The following NIPBL variants were observed in gnomAD, a reference collection of about 807,000 sequenced individuals.
NIPBL encodes the protein NIPBL cohesin loading factor, also known as nipped-B-like protein.
Under a neutral mutation model 321.8 loss-of-function variants are expected in NIPBL, and 19 were observed. That is an observed-to-expected ratio of 0.06 (90% CI 0.04 to 0.09). The LOEUF (loss-of-function observed/expected upper bound fraction) is 0.09, where lower values mean the gene tolerates loss of function less well. Among genes scored for constraint, NIPBL ranks in the 10% least tolerant of loss-of-function variants. NIPBL has a pLI of 1.00. For synonymous variants in NIPBL, 1,106 were observed against 1,114.1 expected, an observed-to-expected ratio of 0.99 and a Z score of 0.14; for missense variants, 2,210 against 3,327.0, an observed-to-expected ratio of 0.66 and a Z score of 8.26.
At position 36,939,232 on chromosome 5, in the gene NIPBL, G is replaced by A. The variant is rs146390023; in HGVS notation, c.-79-14386G>A. Among the ~76,000 whole-genome samples the A allele has an allele frequency of 4.8e-3, 724 of 152,066 alleles. 3 individuals are homozygous for A. Among genetic ancestry groups the A allele is most frequent in the Middle Eastern group, 6.8e-3 (2 of 294 alleles). ...TGCCCAGACTATTCTTGAACTCTTGGGCTCAAACTATCCATCTGCCTCGGC... is the reference window on the plus strand; with the variant it reads ...TGCCCAGACTATTCTTGAACTCTTGAGCTCAAACTATCCATCTGCCTCGGC... On this transcript the variant is annotated intron_variant, in intron 1 of 46. Coordinates refer to ENST00000282516, the MANE Select transcript of NIPBL (RefSeq NM_133433.4).
At chr5:36,892,459 A>G (rs921607208) in intron 1 of NIPBL, among the ~76,000 whole-genome samples, 19 of 152,206 alleles carry the variant, frequency 1.2e-4, no homozygotes, top group African/African-American at 4.6e-4. Context: ...AAGGATTATA[A>G]ATCATGCTGC....
At chr5:37,044,853 T>C (rs1752810110) in intron 36 of NIPBL, 124 bp downstream of exon 36, 1 of 721,272 alleles carries the variant, frequency 1.4e-6, no homozygotes, top group African/African-American at 1.8e-5. Context: ...TCCACCGTGG[T>C]CCTCTCAGAA....
intron 1 of NIPBL, among the ~76,000 whole-genome samples, chr5:36,911,621 A>G (rs966434492): frequency 6.6e-6 from 1 of 152,192 alleles, no homozygotes; most frequent in Non-Finnish European, 1.5e-5. Flanking sequence ...GTACATGTCT[A>G]ACGCCTCTTG....
chr5:36,986,384 A>T lies in NIPBL; in HGVS notation c.3121+83A>T, dbSNP rs1744805947. On this transcript the variant is annotated intron_variant, in intron 10 of 46. Transcript: ENST00000282516. ...ACTAAGTTTTAAAAAGGAAATTTAC[A>T]AAAATTAGAAAGCTACTACATGAAA... 4.3e-5 allele frequency: 41 copies of T among 950,454 alleles called. No homozygotes were observed. The South Asian group carries it at 1.3e-3, about 29-fold the overall frequency. 58.9% of individuals were successfully genotyped at this position (950,454 alleles called of 1,614,324 possible).
rs1302707935 is a variant in NIPBL, at chr5:36,975,198, A to T, written c.869-578A>T. Among the ~76,000 whole-genome samples the T allele has an allele frequency of 3.3e-5, 5 of 152,160 alleles. No homozygotes were observed. In the South Asian group the frequency reaches 1.0e-3, roughly 32 times the overall value. On this transcript the variant is annotated intron_variant, in intron 8 of 46. Coordinates refer to ENST00000282516, the MANE Select transcript of NIPBL (RefSeq NM_133433.4). ...TAAGGGAGAAAGAGAAGACCACATAAAAGTATAAATCAATATTTTACCACC... is the reference window on the plus strand; with the variant it reads ...TAAGGGAGAAAGAGAAGACCACATATAAGTATAAATCAATATTTTACCACC...
intron 1 of NIPBL, among the ~76,000 whole-genome samples, chr5:36,945,565 C>T (rs942330095): frequency 2.0e-5 from 3 of 152,144 alleles, no homozygotes; most frequent in Middle Eastern, 3.2e-3. Flanking sequence ...CACGCATATA[C>T]ATTATTGGTA....
chr5:37,002,637 GTGTT>G, intron 14 of NIPBL, 21 bp from the exon 15 acceptor site: 1 of 1,421,302 alleles, frequency 7.0e-7, no homozygotes, highest in Non-Finnish European at 1.0e-6. Context: ...AACTTTGTTT[GTGTT>G]TGTTTGGCTT....
intron 1 of NIPBL, chr5:36,885,508 G>T: frequency 3.9e-6 from 2 of 509,870 alleles, no homozygotes; most frequent in South Asian, 3.0e-5. Context: ...GGAGCCTAGA[G>T]ACCAAGAACC....
Position 36,955,501 on chromosome 5 carries a change from T to C in NIPBL, c.94T>C (p.Leu32=). The change falls in exon 3 of 47, where the codon TTA becomes CTA. Residue 32 remains leucine (L), a synonymous_variant. Coordinates refer to ENST00000282516, the MANE Select transcript of NIPBL (RefSeq NM_133433.4). The part of the protein sequence containing the change: ...LLNQLPLPSP[L]PATTTKSLLF... ...GAACCAGCTGCCTCTTCCATCTCCT[T>C]TACCTGCTACAACTACAAAGAGCCT... 3 of 1,613,988 alleles carry C rather than the reference T, an allele frequency of 1.9e-6. No homozygotes were observed. Among genetic ancestry groups the C allele is most frequent in the Non-Finnish European group, 2.5e-6 (3 of 1,179,888 alleles).
At chr5:36,904,343 G>A (rs561187708) in intron 1 of NIPBL, among the ~76,000 whole-genome samples, 2 of 152,090 alleles carry the variant, frequency 1.3e-5, no homozygotes, top group Non-Finnish European at 2.9e-5. Context: ...GGTGGCGTGT[G>A]CCTGTAATCC....
intron 33 of NIPBL, 144 bp from the exon 34 acceptor site, chr5:37,038,454 CTAGT>C (rs1214635829): frequency 1.6e-6 from 1 of 624,782 alleles, no homozygotes; most frequent in Non-Finnish European, 2.7e-6. Context: ...TGGAGAAAGT[CTAGT>C]ATCATAAGAA....
chr5:37,059,707 T>TA (rs1313073848), intron 44 of NIPBL, among the ~76,000 whole-genome samples: 40 of 152,314 alleles, frequency 2.6e-4, no homozygotes, highest in African/African-American at 8.7e-4. Flanking sequence ...TTGAAGGACT[T>TA]ATTTTGTTGA....
At chr5:36,969,231 G>A (rs761039396) in intron 6 of NIPBL, among the ~76,000 whole-genome samples, 10 of 152,092 alleles carry the variant, frequency 6.6e-5, no homozygotes, top group African/African-American at 9.7e-5. Context: ...TATTACACCC[G>A]TATCTATAAA....
chr5:37,051,743 A>G (rs201051251), intron 40 of NIPBL, 36 bp from the exon 41 acceptor site: 56 of 1,436,752 alleles, frequency 3.9e-5, no homozygotes, highest in Middle Eastern at 1.8e-4. Context: ...AATTTTTACT[A>G]CCATGATATC....
At chr5:37,037,396 T>A (rs575762300) in intron 33 of NIPBL, among the ~76,000 whole-genome samples, 11 of 147,018 alleles carry the variant, frequency 7.5e-5, no homozygotes, top group African/African-American at 2.5e-4. Context: ...TCAAAAAATA[T>A]ATATATATAT....
rs776403850 is a variant in NIPBL at position 36,984,931 on chromosome 5, ATAT to A, written c.1753_1755del (p.Ile585del). On this transcript the variant is annotated inframe_deletion, in exon 10 of 47. Transcript: ENST00000282516. ...GCACCTGTTTCTGTTCTTCAGGAAGATATTGTTGGAAGTCTTAAATCTACACCA... is the reference window on the plus strand; with the variant it reads ...GCACCTGTTTCTGTTCTTCAGGAAGATGTTGGAAGTCTTAAATCTACACCA... 2.4e-5 allele frequency: 39 copies of A among 1,613,382 alleles called. No homozygotes were observed. The African/African-American group carries it at 5.0e-4, about 20-fold the overall frequency.
chr5:36,881,969 T>C (rs1034285478), intron 1 of NIPBL, among the ~76,000 whole-genome samples: 19 of 152,098 alleles, frequency 1.2e-4, no homozygotes, highest in African/African-American at 4.3e-4. Context: ...CATAGAAATG[T>C]ATATGACCAA....
Position 37,058,915 on chromosome 5 carries a change from G to A in NIPBL, c.7435G>A (p.Glu2479Lys), listed in dbSNP as rs2149752558. 1.2e-6 allele frequency: 2 copies of A among 1,614,048 alleles called. No individual in the cohort carries two copies. The highest frequency in any genetic ancestry group is 4.5e-5 in the East Asian group (2 of 44,884). ...GTCTATGGTAAAGGACAAAAGGAAA[G>A]AGAGAAAATCATCACCTAGTAAGGA... is the stretch of plus-strand genomic sequence containing the variant. ...KESMVKDKRK[E>K]RKSSPSKENE... The change falls in exon 44 of 47, where the codon GAG becomes AAG. Residue 2479 changes from glutamate to lysine, a missense_variant. By Grantham distance (56) the Glu-to-Lys change is moderately conservative. Coordinates refer to ENST00000282516, the MANE Select transcript of NIPBL (RefSeq NM_133433.4).
chr5:37,016,626 A>AT (rs1380600857), intron 23 of NIPBL, among the ~76,000 whole-genome samples: 1 of 152,166 alleles, frequency 6.6e-6, no homozygotes, highest in Non-Finnish European at 1.5e-5. Flanking sequence ...CACAATACAC[A>AT]TTGTTACAAA....
Sources: allele counts gnomAD v4.1 joint callset (sites outside exome capture counted in the v4.1 genomes callset), GRCh38; gene constraint gnomAD v4.1.1; transcripts MANE v1.5; gene names NCBI Gene and HGNC (gene_info 2026-07-23, HGNC 2026-07-21).